The following SCHIP1 variants were observed in gnomAD, a reference collection of about 807,000 sequenced individuals.
SCHIP1 encodes the protein schwannomin interacting protein 1, also known as schwannomin-interacting protein 1.
In SCHIP1, 8 loss-of-function variants were observed where a neutral mutation model predicts 29.7. The ratio of observed to expected loss-of-function variants is 0.27; its 90% CI spans 0.16 to 0.49. The LOEUF (loss-of-function observed/expected upper bound fraction) is 0.49. SCHIP1 is among the 20% of genes least tolerant of loss of function. The pLI is 0.99. For missense variants in SCHIP1, 193 were observed against 294.6 expected (o/e 0.66, Z 2.52); for synonymous variants, 76 against 94.9 (o/e 0.80, Z 1.16).
the SCHIP1 span, among the ~76,000 whole-genome samples, chr3:159,592,167 C>T: frequency 6.6e-6 from 1 of 152,036 alleles, no homozygotes; most frequent in Admixed American, 6.6e-5. Flanking sequence ...TGTATGGGTT[C>T]TACTGAACTG....
chr3:159,713,799 G>C, the SCHIP1 span, among the ~76,000 whole-genome samples: 2 of 152,350 alleles, frequency 1.3e-5, no homozygotes, highest in Admixed American at 6.5e-5. Flanking sequence ...AAAATGGATA[G>C]CTCATATTCA....
At chr3:159,598,506 C>T in the SCHIP1 span, among the ~76,000 whole-genome samples, 1 of 152,136 alleles carries the variant, frequency 6.6e-6, no homozygotes, top group East Asian at 1.9e-4. Flanking sequence ...AATCTTAAAG[C>T]TCAAAAATGA....
At chr3:159,550,514 A>C in the SCHIP1 span, among the ~76,000 whole-genome samples, 1,865 of 152,184 alleles carry the variant, frequency 0.012, 27 homozygotes, top group African/African-American at 0.029. Context: ...GTTTAACAGT[A>C]TTGTCGAGTA....
the SCHIP1 span, among the ~76,000 whole-genome samples, chr3:159,811,307 T>C: frequency 1.1e-4 from 17 of 152,212 alleles, no homozygotes; most frequent in Admixed American, 4.6e-4. Context: ...ATGAAGTCAA[T>C]TTTTTCAGTT....
At chr3:159,404,003 A>G in the SCHIP1 span, among the ~76,000 whole-genome samples, 1 of 152,180 alleles carries the variant, frequency 6.6e-6, no homozygotes, top group Non-Finnish European at 1.5e-5. Context: ...TAGTTCCTGG[A>G]TAACATTTTT....
At chr3:159,521,918 G>A in the SCHIP1 span, among the ~76,000 whole-genome samples, 1 of 152,124 alleles carries the variant, frequency 6.6e-6, no homozygotes, top group Non-Finnish European at 1.5e-5. Flanking sequence ...AAAATACAAG[G>A]ATTTTGTTCA....
At chr3:159,353,764 A>G in the SCHIP1 span, among the ~76,000 whole-genome samples, 1 of 152,200 alleles carries the variant, frequency 6.6e-6, no homozygotes, top group African/African-American at 2.4e-5. Context: ...TTGTAGTAGT[A>G]ATAAGAATAA....
the SCHIP1 span, among the ~76,000 whole-genome samples, chr3:159,551,460 G>T: frequency 6.6e-6 from 1 of 151,980 alleles, no homozygotes; most frequent in Non-Finnish European, 1.5e-5. Flanking sequence ...TTAGTGCACT[G>T]AGAAAAAACA....
the SCHIP1 span, among the ~76,000 whole-genome samples, chr3:159,671,279 T>C: frequency 2.0e-5 from 3 of 152,198 alleles, no homozygotes; most frequent in African/African-American, 4.8e-5. Context: ...GCAAGTCCCT[T>C]GTGAGCACAG....
chr3:159,305,576 CT>C, the SCHIP1 span, among the ~76,000 whole-genome samples: 1 of 152,174 alleles, frequency 6.6e-6, no homozygotes. Context: ...ATAATAAGTT[CT>C]CTTTCATTTC....
the SCHIP1 span, among the ~76,000 whole-genome samples, chr3:159,626,123 TAG>T: frequency 1.6e-5 from 2 of 121,546 alleles, no homozygotes; most frequent in African/African-American, 1.1e-4. Flanking sequence ...GATAGATAGA[TAG>T]ATAGATAGAT....
At chr3:159,458,266 C>T in the SCHIP1 span, among the ~76,000 whole-genome samples, 1 of 152,138 alleles carries the variant, frequency 6.6e-6, no homozygotes, top group African/African-American at 2.4e-5. Flanking sequence ...AACAGGTGAC[C>T]ACGCCTGCCT....
intron 1 of SCHIP1, among the ~76,000 whole-genome samples, chr3:159,858,178 A>C (rs748671918): frequency 1.3e-5 from 2 of 152,176 alleles, no homozygotes; most frequent in Non-Finnish European, 2.9e-5. Context: ...GCCAGATAAC[A>C]CTGTCTTGTG....
chr3:159,494,176 T>C, the SCHIP1 span, among the ~76,000 whole-genome samples: 12 of 151,730 alleles, frequency 7.9e-5, no homozygotes, highest in African/African-American at 2.2e-4. Flanking sequence ...GACACCCTAA[T>C]ATCACAATTA....
At chr3:159,547,392 T>C in the SCHIP1 span, among the ~76,000 whole-genome samples, 13 of 152,230 alleles carry the variant, frequency 8.5e-5, no homozygotes, top group African/African-American at 2.9e-4. Flanking sequence ...ATAGTTTCTT[T>C]TGCTGTGCAG....
At chr3:159,446,722 C>G in the SCHIP1 span, among the ~76,000 whole-genome samples, 1 of 152,146 alleles carries the variant, frequency 6.6e-6, no homozygotes, top group Non-Finnish European at 1.5e-5. Context: ...GGGGTCAAAT[C>G]CTCTCAATAC....
intron 2 of SCHIP1, 130 bp from the exon 4 acceptor site, chr3:159,886,077 T>C (rs894300570): frequency 1.2e-6 from 1 of 825,986 alleles, no homozygotes; most frequent in South Asian, 1.7e-5. Flanking sequence ...GAGAGTAATA[T>C]TGGTTGCTCA....
At chr3:159,334,292 C>T in the SCHIP1 span, among the ~76,000 whole-genome samples, 1 of 151,936 alleles carries the variant, frequency 6.6e-6, no homozygotes, top group African/African-American at 2.4e-5. Flanking sequence ...AAGGGAGAGG[C>T]GATGAAGATA....
At chr3:159,832,669 T>G in the SCHIP1 span, among the ~76,000 whole-genome samples, 1 of 152,216 alleles carries the variant, frequency 6.6e-6, no homozygotes, top group Non-Finnish European at 1.5e-5. Flanking sequence ...CCTGCAGTAT[T>G]TGAAGAAACT....
Sources: gnomAD v4.1 joint callset for allele counts (sites outside exome capture counted in the v4.1 genomes callset) on GRCh38, gnomAD v4.1.1 for gene constraint, MANE v1.5 for transcripts, NCBI Gene and HGNC (gene_info 2026-07-23, HGNC 2026-07-21) for gene names.